The following CBR4 variants were observed in gnomAD, a reference collection of about 807,000 sequenced individuals.
The protein encoded by CBR4 is 3-oxoacyl-[acyl-carrier-protein] reductase.
Under a neutral mutation model 21.0 loss-of-function variants are expected in CBR4, and 22 were observed. The observed-to-expected ratio is 1.05, with a 90% CI of 0.75 to 1.50. The LOEUF is 1.50. Ranked by LOEUF, CBR4 falls within the 40% of genes most tolerant of loss-of-function variation. CBR4 has a pLI of 0.00. For synonymous variants in CBR4, 100 were observed against 104.4 expected (o/e 0.96, Z 0.26); for missense variants, 302 against 286.3 (o/e 1.05, Z -0.40).
chr4:169,009,147 A>C (rs1731174707), intron 1 of CBR4: 1 of 419,444 alleles, frequency 2.4e-6, no homozygotes. Flanking sequence ...TGCCTCCCTG[A>C]TAGTAAATGA....
At chr4:169,008,443 T>C (rs1731106268) in intron 1 of CBR4, among the ~76,000 whole-genome samples, 1 of 152,246 alleles carries the variant, frequency 6.6e-6, no homozygotes, top group African/African-American at 2.4e-5. Context: ...ACCATTTTAA[T>C]ACTCTAAAAT....
chr4:168,944,910 C>T (rs887366969), intron 2 of CBR4, among the ~76,000 whole-genome samples: 3 of 152,200 alleles, frequency 2.0e-5, no homozygotes, highest in Non-Finnish European at 4.4e-5. Flanking sequence ...CTGTTCAGAG[C>T]ATGTGACATT....
chr4:168,909,872 T>C (rs563666223), intron 2 of CBR4, among the ~76,000 whole-genome samples: 1 of 152,230 alleles, frequency 6.6e-6, no homozygotes, highest in East Asian at 1.9e-4. Context: ...GGGGGTTTTT[T>C]CCCCCAAACA....
chr4:169,000,308 T>C (rs1467815768), intron 4 of CBR4, among the ~76,000 whole-genome samples: 1 of 151,630 alleles, frequency 6.6e-6, no homozygotes, highest in Non-Finnish European at 1.5e-5. Context: ...AGCAAATAGA[T>C]GTATCTGAAC....
intron 2 of CBR4, among the ~76,000 whole-genome samples, chr4:168,945,081 C>T (rs753167502): frequency 3.9e-5 from 6 of 152,278 alleles, no homozygotes; most frequent in Non-Finnish European, 7.4e-5. Flanking sequence ...AAGGTTAGCT[C>T]CTGTATACAG....
intron 2 of CBR4, among the ~76,000 whole-genome samples, chr4:168,937,573 C>T (rs886497179): frequency 4.0e-5 from 6 of 150,972 alleles, no homozygotes; most frequent in Non-Finnish European, 7.4e-5. Flanking sequence ...ACCCATCTCA[C>T]GTGCAAAGAC....
At chr4:169,006,691 G>A in intron 3 of CBR4, 64 bp downstream of exon 3, 1 of 1,361,690 alleles carries the variant, frequency 7.3e-7, no homozygotes, top group East Asian at 2.3e-5. Context: ...CAAATTCGTG[G>A]ATTAAATATT....
chr4:169,001,945 T>C (rs1730484449), intron 4 of CBR4, 126 bp downstream of exon 4: 2 of 973,322 alleles, frequency 2.1e-6, no homozygotes, highest in Admixed American at 3.7e-5. Context: ...CAGTTCATTA[T>C]TTGATTCTTT....
intron 2 of CBR4, among the ~76,000 whole-genome samples, chr4:168,955,915 A>C (rs1418439381): frequency 1.3e-5 from 2 of 152,130 alleles, no homozygotes; most frequent in African/African-American, 4.8e-5. Flanking sequence ...CCATGGGAAA[A>C]TTTCATGGTT....
intron 2 of CBR4, among the ~76,000 whole-genome samples, chr4:168,971,346 G>C (rs1317726104): frequency 6.6e-6 from 1 of 151,706 alleles, no homozygotes; most frequent in African/African-American, 2.4e-5. Context: ...CTGGCTCACT[G>C]CAACCTCTGC....
chr4:168,997,288 C>G (rs1277115510), intron 4 of CBR4, among the ~76,000 whole-genome samples: 1 of 152,148 alleles, frequency 6.6e-6, no homozygotes, highest in Non-Finnish European at 1.5e-5. Flanking sequence ...AAGCATTAAA[C>G]CAATTTAGAG....
chr4:168,917,274 T>C (rs1216062280), intron 2 of CBR4, among the ~76,000 whole-genome samples: 5 of 151,966 alleles, frequency 3.3e-5, no homozygotes, highest in Non-Finnish European at 7.4e-5. Flanking sequence ...GGTCTCAAAC[T>C]CCTGACCTCG....
rs552092653 is a variant in CBR4 at position 168,989,067 on chromosome 4, A to G, written c.*1083T>C. 12 of 984,930 alleles carry G rather than the reference A, an allele frequency of 1.2e-5. No homozygotes were observed. The highest frequency in any genetic ancestry group is 1.4e-5 in the Non-Finnish European group (12 of 829,490). The allele number at this position is 984,930 out of a possible 1,614,324, so 61.0% of individuals were successfully genotyped here. On this transcript the variant is annotated 3_prime_UTR_variant, in exon 5 of 5. Transcript: ENST00000306193. ...TCCCAGGCAAATATTCTCACTTAAG[A>G]CCAGTGCCTTCACTGCTTCTTGTAA...
intron 2 of CBR4, among the ~76,000 whole-genome samples, chr4:168,956,858 TC>T (rs919565186): frequency 3.0e-4 from 45 of 152,190 alleles, no homozygotes; most frequent in East Asian, 3.9e-4. Flanking sequence ...TCCATTAACC[TC>T]CCTGCAAAAT....
chr4:168,971,436 ATTTTTTTTT>A (rs70961566), intron 2 of CBR4, among the ~76,000 whole-genome samples: 1 of 114,118 alleles, frequency 8.8e-6, no homozygotes, highest in African/African-American at 3.6e-5. Context: ...TGCCCAGCTC[ATTTTTTTTT>A]TTTTTTTTTT....
chr4:168,925,957 G>A (rs1005082117), intron 2 of CBR4, among the ~76,000 whole-genome samples: 1 of 74,822 alleles, frequency 1.3e-5, no homozygotes, highest in African/African-American at 3.5e-5. Flanking sequence ...GTGCTGCAGT[G>A]TTTACTTAAA....
At chr4:168,986,048 CT>C (rs1239484735), downstream of CBR4, among the ~76,000 whole-genome samples, 2 of 151,046 alleles carry the variant, frequency 1.3e-5, no homozygotes, top group African/African-American at 2.4e-5. Flanking sequence ...TATGTACCCC[CT>C]AAATCTAAAA....
chr4:168,925,771 A>G (rs1762468695), intron 2 of CBR4, among the ~76,000 whole-genome samples: 1 of 152,184 alleles, frequency 6.6e-6, no homozygotes, highest in African/African-American at 2.4e-5. Flanking sequence ...GAGGGTCATC[A>G]AGAAATGTGT....
chr4:169,010,174 C>A lies in CBR4; in HGVS notation c.-85G>T, dbSNP rs76134299. ...CTCAGGCTTTTAAACAACCGCGGTT[C>A]CAAAAAAAAAAAAAAGAAAAAAAAA... On this transcript the variant is annotated 5_prime_UTR_variant, in exon 1 of 5. Coordinates refer to ENST00000306193, the MANE Select transcript of CBR4 (RefSeq NM_032783.5). 4 of 882,106 alleles carry A rather than the reference C, an allele frequency of 4.5e-6. No individual in the cohort carries two copies. Among genetic ancestry groups the A allele is most frequent in the African/African-American group, 2.6e-5 (1 of 38,716 alleles). 54.6% of individuals were successfully genotyped at this position (882,106 alleles called of 1,614,324 possible). A position where few individuals can be genotyped will look rare whatever the true frequency, so the allele number is the denominator to read the frequency against.
Sources: allele counts gnomAD v4.1 joint callset (sites outside exome capture counted in the v4.1 genomes callset), GRCh38; gene constraint gnomAD v4.1.1; transcripts MANE v1.5; gene names NCBI Gene and HGNC (gene_info 2026-07-23, HGNC 2026-07-21).